Variants in RNF19B observed in about 807,000 individuals in gnomAD.
The protein encoded by RNF19B is ring finger protein 19B.
RNF19B carries 23 observed loss-of-function variants against 65.5 expected under a neutral mutation model. The ratio of observed to expected loss-of-function variants is 0.35; its 90% CI spans 0.25 to 0.50. The LOEUF is 0.50. RNF19B is among the 20% of genes least tolerant of loss of function. RNF19B has a pLI of 0.98. For synonymous variants in RNF19B, 372 were observed against 379.6 expected (o/e 0.98, Z 0.23); for missense variants, 794 against 980.0 (o/e 0.81, Z 2.53).
chr1:32,933,917 G>A (rs1374097283), downstream of RNF19B, among the ~76,000 whole-genome samples: 1 of 152,052 alleles, frequency 6.6e-6, no homozygotes, highest in Non-Finnish European at 1.5e-5. Flanking sequence ...AAGAAATATA[G>A]GTTTAGCCAT....
intron 1 of RNF19B, among the ~76,000 whole-genome samples, chr1:32,962,035 T>C (rs1009477768): frequency 6.6e-6 from 1 of 152,058 alleles, no homozygotes; most frequent in African/African-American, 2.4e-5. Flanking sequence ...TATAGTGGCC[T>C]GATCTCGGCT....
downstream of RNF19B, among the ~76,000 whole-genome samples, chr1:32,932,121 C>A (rs1293793044): frequency 6.6e-6 from 1 of 152,188 alleles, no homozygotes; most frequent in African/African-American, 2.4e-5. Context: ...CTTACAAAAG[C>A]ACTGGAAAGC....
chr1:32,947,788 GTGTAAAGTACTGACGATATT>G (rs1367392398), intron 3 of RNF19B, among the ~76,000 whole-genome samples: 3 of 152,054 alleles, frequency 2.0e-5, no homozygotes, highest in Admixed American at 2.0e-4. Flanking sequence ...GGTACGTGAA[GTGTAAAGTACTGACGATATT>G]TATGACAAAA....
At chr1:32,957,706 T>C (rs1433298672) in intron 1 of RNF19B, among the ~76,000 whole-genome samples, 2 of 152,168 alleles carry the variant, frequency 1.3e-5, no homozygotes, top group African/African-American at 2.4e-5. Context: ...TTGTGGCACA[T>C]GCCTGTAATC....
In RNF19B at chr1:32,964,065, C is replaced by A. The variant is rs1203858304; in HGVS notation, c.621G>T (p.Pro207=). The A allele has an allele frequency of 1.3e-5, 20 of 1,514,600 alleles. 1 individual carries two copies. In the South Asian group the frequency reaches 2.5e-4, roughly 19 times the overall value. The allele number at this position is 1,514,600 out of a possible 1,614,324, so 93.8% of individuals were successfully genotyped here. A position where few individuals can be genotyped will look rare whatever the true frequency, so the allele number is the denominator to read the frequency against. The change falls in exon 1 of 9, where the codon CCG becomes CCT. Residue 207 remains proline, a synonymous_variant. Transcript: ENST00000235150. This position sits in a 1 kb window ranked among gnomAD's most constrained non-coding sequence, Gnocchi z 6.5. ...LASDPDCRWC[P]APDCGYAVIA... is the part of the protein sequence containing the mutation. ...CCCGCGCTCACCCGCAGTCCGGGGC[C>A]GGGCACCAGCGGCAGTCGGGGTCCG... is the stretch of plus-strand genomic sequence containing the variant.
At chr1:32,940,267 C>A (rs954946015) in intron 7 of RNF19B, among the ~76,000 whole-genome samples, 4 of 152,118 alleles carry the variant, frequency 2.6e-5, no homozygotes, top group African/African-American at 9.7e-5. Context: ...ACCTGGGGAG[C>A]TTTTGCAAAA....
chr1:32,938,445 G>A lies in RNF19B; in HGVS notation c.1694C>T (p.Thr565Ile), dbSNP rs1642159627. 3 of 1,614,206 alleles carry A rather than the reference G, an allele frequency of 1.9e-6. No individual in the cohort carries two copies. Among genetic ancestry groups the A allele is most frequent in the African/African-American group, 2.7e-5 (2 of 75,048 alleles). Residue 565 changes from threonine to isoleucine, a missense_variant, in exon 8 of 9, where the codon ACT becomes ATT. Around this residue, in one of 3 missense-constraint regions of RNF19B, gnomAD observed 368 missense variants for 447.3 expected, o/e 0.82. Transcript: ENST00000235150. ...GATTATGGAACCGGCCATAGCACGA[G>A]TGCTTGCGTTGTCACTAATTGCACC... ...SLGAISDNAS[T>I]RAMAGSIISS...
Position 32,948,098 on chromosome 1 carries a change from G to A in RNF19B, c.983+124C>T, listed in dbSNP as rs966394757. The A allele has an allele frequency of 1.8e-5, 17 of 931,880 alleles. No individual in the cohort carries two copies. The African/African-American group carries it at 2.3e-4, about 13-fold the overall frequency. The allele number at this position is 931,880 out of a possible 1,614,324, so 57.7% of individuals were successfully genotyped here. A position where few individuals can be genotyped will look rare whatever the true frequency, so the allele number is the denominator to read the frequency against. The stretch of plus-strand genomic sequence containing the variant: ...AAAACATGATTAGAGGAGCATGTCA[G>A]AAGAAGTTTTCACAGCTTCCTTAAA... On this transcript the variant is annotated intron_variant, in intron 3 of 8. Coordinates refer to ENST00000235150, the MANE Select transcript of RNF19B (RefSeq NM_001300826.2).
At chr1:32,954,130 C>CAAGT (rs1269104546) in intron 1 of RNF19B, among the ~76,000 whole-genome samples, 3 of 150,570 alleles carry the variant, frequency 2.0e-5, no homozygotes, top group African/African-American at 7.3e-5. Flanking sequence ...AGGCTGGTCT[C>CAAGT]GAACTCCTGG....
intron 5 of RNF19B, 33 bp from the exon 6 acceptor site, chr1:32,944,192 TA>T: frequency 6.3e-7 from 1 of 1,586,168 alleles, no homozygotes; most frequent in Non-Finnish European, 8.6e-7. Context: ...GTCAGCTGGC[TA>T]TTAGGTTGCA....
downstream of RNF19B, among the ~76,000 whole-genome samples, chr1:32,932,838 T>C (rs1163711842): frequency 1.3e-5 from 2 of 152,244 alleles, no homozygotes; most frequent in Non-Finnish European, 2.9e-5. Context: ...TCCAGCCATA[T>C]AGGCCTCTAT....
chr1:32,950,070 A>G (rs1350091239), intron 1 of RNF19B, among the ~76,000 whole-genome samples: 2 of 152,106 alleles, frequency 1.3e-5, no homozygotes, highest in Non-Finnish European at 2.9e-5. Flanking sequence ...CCCAGGTTCA[A>G]GCAATTCTCC....
chr1:32,934,375 G>C (rs1642064421), downstream of RNF19B, among the ~76,000 whole-genome samples: 2 of 152,120 alleles, frequency 1.3e-5, no homozygotes, highest in African/African-American at 4.8e-5. Flanking sequence ...TCTGACACTG[G>C]AAGCTCTTTA....
At chr1:32,952,524 C>T (rs748327551) in intron 1 of RNF19B, among the ~76,000 whole-genome samples, 1 of 149,036 alleles carries the variant, frequency 6.7e-6, no homozygotes, top group Non-Finnish European at 1.5e-5. Context: ...AGGCAAGTCA[C>T]AAGGTCAGGA....
At chr1:32,962,670 C>T (rs535697941) in intron 1 of RNF19B, among the ~76,000 whole-genome samples, 1 of 152,312 alleles carries the variant, frequency 6.6e-6, no homozygotes, top group South Asian at 2.1e-4. Context: ...GTCCTTAACT[C>T]CTTTGAAGCT....
At position 32,944,836 on chromosome 1, in the gene RNF19B, C is replaced by T. The variant is rs528294873; in HGVS notation, c.1262-677G>A. Among the ~76,000 whole-genome samples, 3 of 152,150 alleles carry T rather than the reference C, an allele frequency of 2.0e-5. No individual in the cohort carries two copies. In the East Asian group the frequency reaches 5.8e-4, roughly 29 times the overall value. On this transcript the variant is annotated intron_variant, in intron 5 of 8. Transcript: ENST00000235150. The stretch of plus-strand genomic sequence containing the variant: ...CCCAAGTAGCTGGGACTACAGGCAC[C>T]CGCTACCACACCCGGCTGATTTTCT...
At chr1:32,930,205 G>A in the RNF19B span, among the ~76,000 whole-genome samples, 1 of 152,058 alleles carries the variant, frequency 6.6e-6, no homozygotes, top group Admixed American at 6.6e-5. Context: ...TGCCTCCTGG[G>A]TTCAAGAGAT....
rs1410964287 is a variant in RNF19B at position 32,944,100 on chromosome 1, G to A, written c.1321C>T (p.Arg441Cys). 4 of 1,613,950 alleles carry A rather than the reference G, an allele frequency of 2.5e-6. No individual in the cohort carries two copies. Among genetic ancestry groups the A allele is most frequent in the Non-Finnish European group, 2.5e-6 (3 of 1,179,950 alleles). The change falls in exon 6 of 9, where the codon CGT (arginine) becomes TGT (cysteine). Residue 441 changes from arginine (R) to cysteine (C), a missense_variant. This residue lies in a region of RNF19B where 368 missense variants were observed against 447.3 expected (regional missense o/e 0.82). Coordinates refer to ENST00000235150, the MANE Select transcript of RNF19B (RefSeq NM_001300826.2). ...VYGVVPISLCRGGGCGVSTAN... is the reference protein window; with the variant it reads ...VYGVVPISLCCGGGCGVSTAN... ...GTGCTAACTCCACAGCCGCCTCCAC[G>A]ACAAAGAGAAATGGGCACAACCCCA... is the stretch of plus-strand genomic sequence containing the variant.
chr1:32,948,370 T>C lies in RNF19B; in HGVS notation c.842-7A>G, dbSNP rs1187095770. 2 of 1,611,016 alleles carry C rather than the reference T, an allele frequency of 1.2e-6. No individual in the cohort carries two copies. The highest frequency in any genetic ancestry group is 1.1e-5 in the South Asian group (1 of 90,852). Reference sequence around the variant, plus strand: ...GGGCATGGCTTGATGTCATCTGCTATGAGTGGGGGAAGAATGGGTAGAAAA... The same window carrying C: ...GGGCATGGCTTGATGTCATCTGCTACGAGTGGGGGAAGAATGGGTAGAAAA... On this transcript the variant is annotated splice_polypyrimidine_tract_variant and splice_region_variant and intron_variant, in intron 2 of 8. Transcript: ENST00000235150.
Sources: allele counts gnomAD v4.1 joint callset (sites outside exome capture counted in the v4.1 genomes callset), GRCh38; gene constraint gnomAD v4.1.1; regional missense constraint gnomAD v4.1.1; non-coding constraint Gnocchi (gnomAD v3.1); transcripts MANE v1.5; gene names NCBI Gene and HGNC (gene_info 2026-07-23, HGNC 2026-07-21).